MAN1A2: variants seen among roughly 807,000 people sequenced by gnomAD.
MAN1A2 encodes mannosyl-oligosaccharide 1,2-alpha-mannosidase IB.
A neutral mutation model predicts 75.7 loss-of-function variants in MAN1A2; 26 were observed. The observed-to-expected ratio is 0.34, with a 90% CI of 0.25 to 0.48. The LOEUF is 0.48. MAN1A2 is among the 20% of genes least tolerant of loss of function. The pLI is 0.99. For missense variants in MAN1A2, 562 were observed against 775.5 expected, an observed-to-expected ratio of 0.72 and a Z score of 3.27; for synonymous variants, 247 against 264.6, an observed-to-expected ratio of 0.93 and a Z score of 0.65.
chr1:117,395,180 G>A (rs1195496066), intron 1 of MAN1A2, among the ~76,000 whole-genome samples: 1 of 152,164 alleles, frequency 6.6e-6, no homozygotes, highest in African/African-American at 2.4e-5. Context: ...CAAAACTTGA[G>A]GGCTCTAGGA....
intron 1 of MAN1A2, among the ~76,000 whole-genome samples, chr1:117,392,087 C>T (rs915868642): frequency 2.0e-5 from 3 of 152,064 alleles, no homozygotes; most frequent in Admixed American, 6.6e-5. Flanking sequence ...CTTTCTACTC[C>T]CACCTTGCCT....
intron 6 of MAN1A2, among the ~76,000 whole-genome samples, chr1:117,442,724 T>C (rs1570748081): frequency 6.6e-6 from 1 of 152,108 alleles, no homozygotes; most frequent in South Asian, 2.1e-4. Context: ...TAAGTGAAAA[T>C]AGAAAATAAT....
At chr1:117,432,310 C>G (rs900192129) in intron 5 of MAN1A2, among the ~76,000 whole-genome samples, 2 of 144,004 alleles carry the variant, frequency 1.4e-5, no homozygotes, top group African/African-American at 5.2e-5. Flanking sequence ...ATAATGTAGA[C>G]AAAACAAGGA....
At chr1:117,405,404 C>T in intron 2 of MAN1A2, 145 bp from the exon 3 acceptor site, 1 of 622,992 alleles carries the variant, frequency 1.6e-6, no homozygotes, top group Non-Finnish European at 2.9e-6. Flanking sequence ...TGTTTTCATA[C>T]TGATACAAAT....
Position 117,368,388 on chromosome 1 carries a change from G to A in MAN1A2, c.205G>A (p.Gly69Ser). 1 of 1,613,982 alleles carries A rather than the reference G, an allele frequency of 6.2e-7. No homozygotes were observed. The highest frequency in any genetic ancestry group is 8.5e-7 in the Non-Finnish European group (1 of 1,179,944). Residue 69 changes from glycine (G) to serine (S), a missense_variant, in exon 1 of 13, where the codon GGT becomes AGT. Gly to Ser is a moderately conservative substitution (Grantham distance 56, BLOSUM62 0). Coordinates refer to ENST00000356554, the MANE Select transcript of MAN1A2 (RefSeq NM_006699.5). Reference protein sequence around the residue: ...DSSKHKRFDLGLEDVLIPHVD... With the variant: ...DSSKHKRFDLSLEDVLIPHVD... ...TTCAAAACACAAACGCTTTGATTTG[G>A]GTTTAGAAGATGTGTTAATTCCACA...
chr1:117,480,972 T>C (rs1650479586), intron 8 of MAN1A2, among the ~76,000 whole-genome samples: 1 of 151,882 alleles, frequency 6.6e-6, no homozygotes, highest in South Asian at 2.1e-4. Flanking sequence ...CCCACCCAGA[T>C]GACCTAAGTC....
rs1248791628 is a variant in MAN1A2, at chr1:117,527,158, T to C, written c.*4201T>C. On this transcript the variant is annotated 3_prime_UTR_variant, in exon 13 of 13. Coordinates refer to ENST00000356554, the MANE Select transcript of MAN1A2 (RefSeq NM_006699.5). ...CTCATTCAGATCAGGATGGACATGC[T>C]CTTTTTGATCTATAACTGTTCAGCC... 6.6e-6 allele frequency: 1 copy of C among 151,770 alleles called. No individual in the cohort carries two copies. The highest frequency in any genetic ancestry group is 1.5e-5 in the Non-Finnish European group (1 of 67,840). The allele number at this position is 151,770 out of a possible 1,614,324, so 9.4% of individuals were successfully genotyped here. A position where few individuals can be genotyped will look rare whatever the true frequency, so the allele number is the denominator to read the frequency against.
intron 6 of MAN1A2, among the ~76,000 whole-genome samples, chr1:117,445,844 GTGTGTGTGTGTGTGTA>G (rs1332328853): frequency 5.7e-5 from 4 of 70,600 alleles, no homozygotes; most frequent in African/African-American, 1.4e-4. Flanking sequence ...TCATATTTGT[GTGTGTGTGTGTGTGTA>G]TGTGTGTGTG....
intron 12 of MAN1A2, among the ~76,000 whole-genome samples, chr1:117,509,178 A>G (rs1480684338): frequency 1.3e-5 from 2 of 151,870 alleles, no homozygotes; most frequent in African/African-American, 4.8e-5. Flanking sequence ...GCACACTGGG[A>G]AAACATTTCT....
At chr1:117,511,892 G>T (rs1015069522) in intron 12 of MAN1A2, among the ~76,000 whole-genome samples, 5 of 151,914 alleles carry the variant, frequency 3.3e-5, no homozygotes, top group Non-Finnish European at 7.4e-5. Context: ...TGTATATTTG[G>T]GTTATTGTTT....
rs987774617 is a variant in MAN1A2 at position 117,528,363 on chromosome 1, A to G, written c.*5406A>G. 2.6e-5 allele frequency: 4 copies of G among 152,068 alleles called. No homozygotes were observed. Among genetic ancestry groups the G allele is most frequent in the African/African-American group, 7.2e-5 (3 of 41,434 alleles). The allele number at this position is 152,068 out of a possible 1,614,324, so 9.4% of individuals were successfully genotyped here. ...CAGAGACTTACTGTCTCTCTTCCAC[A>G]TTATAAATGAACTGCCTTTCCAGGT... On this transcript the variant is annotated 3_prime_UTR_variant, in exon 13 of 13. Transcript: ENST00000356554.
chr1:117,478,550 G>A (rs569681020), intron 8 of MAN1A2, among the ~76,000 whole-genome samples: 33 of 152,010 alleles, frequency 2.2e-4, no homozygotes, highest in African/African-American at 7.2e-4. Flanking sequence ...AAAGTTTATA[G>A]ATTCGGGTTT....
intron 8 of MAN1A2, among the ~76,000 whole-genome samples, chr1:117,472,783 C>T (rs983051788): frequency 8.6e-5 from 13 of 152,000 alleles, no homozygotes; most frequent in African/African-American, 2.9e-4. Flanking sequence ...CAGCCCAACA[C>T]GAATTGATAA....
intron 1 of MAN1A2, among the ~76,000 whole-genome samples, chr1:117,369,400 T>C (rs908328489): frequency 6.6e-6 from 1 of 152,192 alleles, no homozygotes; most frequent in Admixed American, 6.5e-5. Context: ...CCTTGTTTCT[T>C]AAAATAATTC....
intron 4 of MAN1A2, 34 bp downstream of exon 4, chr1:117,414,865 T>G: frequency 1.6e-6 from 2 of 1,289,018 alleles, no homozygotes; most frequent in Non-Finnish European, 1.1e-6. Context: ...TCTCTTAGAT[T>G]AACCATGAAA....
chr1:117,388,545 G>C (rs1328523742), intron 1 of MAN1A2, among the ~76,000 whole-genome samples: 1 of 152,096 alleles, frequency 6.6e-6, no homozygotes, highest in African/African-American at 2.4e-5. Flanking sequence ...GGGAGTGTAG[G>C]CATCTCACAC....
intron 4 of MAN1A2, among the ~76,000 whole-genome samples, 190 bp from the exon 5 acceptor site, chr1:117,420,379 C>T (rs1648145989): frequency 6.6e-6 from 1 of 151,928 alleles, no homozygotes; most frequent in Admixed American, 6.6e-5. Context: ...GCTGTGGTGA[C>T]AGCAGTAGAG....
At chr1:117,388,571 G>A (rs758712797) in intron 1 of MAN1A2, among the ~76,000 whole-genome samples, 11 of 152,116 alleles carry the variant, frequency 7.2e-5, no homozygotes, top group Admixed American at 2.6e-4. Flanking sequence ...GAGCAAGAGC[G>A]AGAGAGTGAG....
At chr1:117,457,067 A>C (rs1649603235) in intron 6 of MAN1A2, among the ~76,000 whole-genome samples, 1 of 152,108 alleles carries the variant, frequency 6.6e-6, no homozygotes, top group African/African-American at 2.4e-5. Context: ...CCATTCTTTC[A>C]ATACATTGAT....
Sources: gnomAD v4.1 joint callset for allele counts (sites outside exome capture counted in the v4.1 genomes callset) on GRCh38, gnomAD v4.1.1 for gene constraint, MANE v1.5 for transcripts, NCBI Gene and HGNC (gene_info 2026-07-23, HGNC 2026-07-21) for gene names.